ATXN10: variants seen among roughly 807,000 people sequenced by gnomAD.
ATXN10 encodes the protein ataxin-10.
In ATXN10, 28 loss-of-function variants were observed where a neutral mutation model predicts 52.9. That is an observed-to-expected ratio of 0.53 (90% CI 0.39 to 0.73). The LOEUF (loss-of-function observed/expected upper bound fraction) is 0.73. Among genes scored for constraint, ATXN10 ranks in the 30% least tolerant of loss-of-function variants. The pLI is 0.00. For synonymous variants in ATXN10, 226 were observed against 221.5 expected (o/e 1.02, Z -0.18); for missense variants, 565 against 577.0 (o/e 0.98, Z 0.21).
At chr22:45,834,735 CTGAGCACATGG>C (rs895227076) in intron 10 of ATXN10, among the ~76,000 whole-genome samples, 44 of 152,326 alleles carry the variant, frequency 2.9e-4, no homozygotes, top group Middle Eastern at 3.4e-3. Flanking sequence ...AGATAGGAGT[CTGAGCACATGG>C]TGAGCACACA....
In ATXN10 at chr22:45,693,023, T is replaced by C. The variant is rs1459567934; in HGVS notation, c.336T>C (p.Val112=). 3.1e-6 allele frequency: 5 copies of C among 1,614,040 alleles called. No individual in the cohort carries two copies. Among genetic ancestry groups the C allele is most frequent in the South Asian group, 2.2e-5 (2 of 91,088 alleles). Residue 112 remains valine, a synonymous_variant, in exon 3 of 12, where the codon GTT becomes GTC. Coordinates refer to ENST00000252934, the MANE Select transcript of ATXN10 (RefSeq NM_013236.4). ...ACTTGGATACGATTGGTGTTGCTGT[T>C]GATTTGATTCTTCTGTTTCGTGAAC... ...IRNLDTIGVA[V]DLILLFRELR...
rs752852872 is a variant in ATXN10, at chr22:45,740,510, G to A, written c.1145G>A (p.Cys382Tyr). ...SHLIRLIGNL[C>Y]YKNKDNQDKV... is the part of the protein sequence containing the mutation. ...CTCATTCGTCTGATTGGAAATCTGT[G>A]TTACAAGAATAAAGATAACCAAGAC... Residue 382 changes from cysteine to tyrosine, a missense_variant, in exon 9 of 12, where the codon TGT becomes TAT. By Grantham distance (194) the Cys-to-Tyr change is radical (BLOSUM62 -2). Coordinates refer to ENST00000252934, the MANE Select transcript of ATXN10 (RefSeq NM_013236.4). 1 of 1,613,634 alleles carries A rather than the reference G, an allele frequency of 6.2e-7. No individual in the cohort carries two copies. The highest frequency in any genetic ancestry group is 8.5e-7 in the Non-Finnish European group (1 of 1,179,874).
chr22:45,718,324 G>T lies in ATXN10; in HGVS notation c.648-89G>T. The T allele has an allele frequency of 1.1e-6, 1 of 948,660 alleles. No individual in the cohort carries two copies. The highest frequency in any genetic ancestry group is 2.4e-5 in the East Asian group (1 of 41,722). 58.8% of individuals were successfully genotyped at this position (948,660 alleles called of 1,614,324 possible). ...AAATTCACTGAAAAGAAATGCTTTT[G>T]TGTGTAAGTGGTGCCTATAAAGTAG... On this transcript the variant is annotated intron_variant, in intron 5 of 11. Transcript: ENST00000252934. The surrounding 1 kb of genome is among the most constrained non-coding windows in gnomAD (Gnocchi z 4.4).
intron 7 of ATXN10, 67 bp downstream of exon 7, chr22:45,729,657 C>T (rs751303669): frequency 6.5e-7 from 1 of 1,527,094 alleles, no homozygotes; most frequent in Non-Finnish European, 9.1e-7. Context: ...TCAGCCAAGT[C>T]CTGTATGAGA....
Position 45,835,709 on chromosome 22 carries a change from G to A in ATXN10, c.1238-7282G>A, listed in dbSNP as rs78337222. Among the ~76,000 whole-genome samples the A allele has an allele frequency of 1.3e-5, 2 of 152,262 alleles. No homozygotes were observed. Among genetic ancestry groups the A allele is most frequent in the Non-Finnish European group, 2.9e-5 (2 of 68,014 alleles). On this transcript the variant is annotated intron_variant, in intron 10 of 11. Coordinates refer to ENST00000252934, the MANE Select transcript of ATXN10 (RefSeq NM_013236.4). The surrounding 1 kb of genome is among the most constrained non-coding windows in gnomAD (Gnocchi z 5.0). ...TTCAGTGCAGGGGTGTTGCTGAGATGGCTTTTTCCCTCCGGAAAGACTGAA... is the reference window on the plus strand; with the variant it reads ...TTCAGTGCAGGGGTGTTGCTGAGATAGCTTTTTCCCTCCGGAAAGACTGAA...
At chr22:45,793,278 C>A in intron 9 of ATXN10, 1 of 162,576 alleles carries the variant, frequency 6.2e-6, no homozygotes. Flanking sequence ...GTGAATTTGT[C>A]CTCAGCATGT....
intron 3 of ATXN10, among the ~76,000 whole-genome samples, chr22:45,697,508 A>G (rs1265386640): frequency 1.3e-5 from 2 of 152,174 alleles, no homozygotes; most frequent in Non-Finnish European, 2.9e-5. Context: ...GCCCCTGGCA[A>G]CCACTACTTA....
chr22:45,820,135 C>A lies in ATXN10; in HGVS notation c.1237+13113C>A, dbSNP rs762152399. 1.3e-5 allele frequency among the ~76,000 whole-genome samples: 2 copies of A among 152,170 alleles called. No homozygotes were observed. Among genetic ancestry groups the A allele is most frequent in the Non-Finnish European group, 2.9e-5 (2 of 68,032 alleles). ...TGTACCAGTTATTCTAGGACCAATA[C>A]ATTAAAAAGCAAAAACGTATTGGGC... On this transcript the variant is annotated intron_variant, in intron 10 of 11. Coordinates refer to ENST00000252934, the MANE Select transcript of ATXN10 (RefSeq NM_013236.4). This position sits in a 1 kb window ranked among gnomAD's most constrained non-coding sequence, Gnocchi z 4.9.
intron 3 of ATXN10, among the ~76,000 whole-genome samples, chr22:45,695,139 A>G (rs1644658843): frequency 6.6e-6 from 1 of 151,410 alleles, no homozygotes; most frequent in Non-Finnish European, 1.5e-5. Flanking sequence ...CCTGGCTAAC[A>G]CGGTGAAACC....
chr22:45,733,743 A>C lies in ATXN10; in HGVS notation c.894+4153A>C, dbSNP rs1447633896. On this transcript the variant is annotated intron_variant, in intron 7 of 11. Coordinates refer to ENST00000252934, the MANE Select transcript of ATXN10 (RefSeq NM_013236.4). This position sits in a 1 kb window ranked among gnomAD's most constrained non-coding sequence, Gnocchi z 4.4. ...TGCACTTCAGCCTGGGCGACAGAGCAAGACTCCCATCTTAAAAAAAAAAAA... is the reference window on the plus strand; with the variant it reads ...TGCACTTCAGCCTGGGCGACAGAGCCAGACTCCCATCTTAAAAAAAAAAAA... 6.6e-6 allele frequency among the ~76,000 whole-genome samples: 1 copy of C among 151,738 alleles called. No homozygotes were observed. Among genetic ancestry groups the C allele is most frequent in the Non-Finnish European group, 1.5e-5 (1 of 67,900 alleles).
chr22:45,712,530 C>T lies in ATXN10; in HGVS notation c.648-5883C>T, dbSNP rs559414227. On this transcript the variant is annotated intron_variant, in intron 5 of 11. Transcript: ENST00000252934. The surrounding 1 kb of genome is among the most constrained non-coding windows in gnomAD (Gnocchi z 4.6). ...TGCCAGTGAGTGTTGGGCTGAGACT[C>T]AAACCCAGCTCTTTCTGAGACCAAA... is the stretch of plus-strand genomic sequence containing the variant. Among the ~76,000 whole-genome samples, 1 of 152,170 alleles carries T rather than the reference C, an allele frequency of 6.6e-6. No individual in the cohort carries two copies. The highest frequency in any genetic ancestry group is 1.5e-5 in the Non-Finnish European group (1 of 68,042).
chr22:45,700,454 A>T (rs766838548), intron 4 of ATXN10, 76 bp downstream of exon 4: 32 of 1,219,458 alleles, frequency 2.6e-5, no homozygotes, highest in Non-Finnish European at 3.4e-5. Flanking sequence ...ATAAAGTTCG[A>T]AAACAGGAAA....
At chr22:45,737,186 A>G (rs569871470) in intron 7 of ATXN10, among the ~76,000 whole-genome samples, 5 of 152,198 alleles carry the variant, frequency 3.3e-5, no homozygotes, top group African/African-American at 1.2e-4. Flanking sequence ...CTGATGTTTA[A>G]TGTGCCACTG....
chr22:45,815,033 G>A (rs948521525), intron 10 of ATXN10, among the ~76,000 whole-genome samples: 3 of 152,188 alleles, frequency 2.0e-5, no homozygotes, highest in Non-Finnish European at 2.9e-5. Context: ...TAGGAGACAC[G>A]TGCAAGAATG....
At chr22:45,753,119 T>C (rs1926044324) in intron 9 of ATXN10, among the ~76,000 whole-genome samples, 1 of 152,158 alleles carries the variant, frequency 6.6e-6, no homozygotes, top group Non-Finnish European at 1.5e-5. Flanking sequence ...TTTTTATTTC[T>C]AGTTTTTAGG....
At chr22:45,813,891 C>T (rs1601662934) in intron 10 of ATXN10, among the ~76,000 whole-genome samples, 1 of 152,100 alleles carries the variant, frequency 6.6e-6, no homozygotes, top group Admixed American at 6.5e-5. Context: ...ATAATATCAC[C>T]GAACAGAATA....
chr22:45,812,123 A>G (rs1272464701), intron 10 of ATXN10, among the ~76,000 whole-genome samples: 2 of 152,024 alleles, frequency 1.3e-5, no homozygotes, highest in African/African-American at 2.4e-5. Flanking sequence ...GGTCATCCTC[A>G]TGCTTCACAC....
chr22:45,748,556 C>T (rs574631972), intron 9 of ATXN10, among the ~76,000 whole-genome samples: 5 of 152,056 alleles, frequency 3.3e-5, no homozygotes, highest in Non-Finnish European at 5.9e-5. Context: ...AAGTGTTTTC[C>T]GCGTGAATTC....
intron 9 of ATXN10, among the ~76,000 whole-genome samples, chr22:45,803,974 G>A (rs969012515): frequency 6.6e-6 from 1 of 152,104 alleles, no homozygotes; most frequent in South Asian, 2.1e-4. Flanking sequence ...GTGGTGAAGA[G>A]CCACTTATCT....
Sources: allele counts gnomAD v4.1 joint callset (sites outside exome capture counted in the v4.1 genomes callset), GRCh38; gene constraint gnomAD v4.1.1; non-coding constraint Gnocchi (gnomAD v3.1); transcripts MANE v1.5; gene names NCBI Gene and HGNC (gene_info 2026-07-23, HGNC 2026-07-21).